CPLANE1: variants seen among roughly 807,000 people sequenced by gnomAD.
CPLANE1 encodes ciliogenesis and planar polarity effector complex subunit 1.
CPLANE1 carries 263 observed loss-of-function variants against 362.5 expected under a neutral mutation model. The observed-to-expected ratio is 0.73, with a 90% CI of 0.66 to 0.80. The LOEUF is 0.80. CPLANE1 is among the 30% of genes least tolerant of loss of function. The pLI is 0.00. For synonymous variants in CPLANE1, 1,212 were observed against 1,302.6 expected (o/e 0.93, Z 1.50); for missense variants, 3,461 against 3,793.4 (o/e 0.91, Z 2.30).
At chr5:37,190,608 TA>T (rs869118770) in intron 21 of CPLANE1, among the ~76,000 whole-genome samples, 1 of 152,046 alleles carries the variant, frequency 6.6e-6, no homozygotes, top group Non-Finnish European at 1.5e-5. Flanking sequence ...TAGATTTTTT[TA>T]AAAAAACTAT....
At chr5:37,157,990 G>C in intron 39 of CPLANE1, 122 bp from the exon 40 acceptor site, 1 of 751,500 alleles carries the variant, frequency 1.3e-6, no homozygotes, top group Non-Finnish European at 2.0e-6. Flanking sequence ...TAAAAACAAG[G>C]AAAGAAGGGC....
At chr5:37,096,470 A>G in the CPLANE1 span, among the ~76,000 whole-genome samples, 9 of 152,292 alleles carry the variant, frequency 5.9e-5, no homozygotes, top group African/African-American at 2.2e-4. Flanking sequence ...ATAACATTGG[A>G]AAACCCCTTC....
rs1043032870 is a variant in CPLANE1, at chr5:37,107,186, C to T, written c.*416G>A. The T allele has an allele frequency of 9.1e-6, 9 of 986,104 alleles. No individual in the cohort carries two copies. In the African/African-American group the frequency reaches 1.6e-4, roughly 17 times the overall value. 61.1% of individuals were successfully genotyped at this position (986,104 alleles called of 1,614,324 possible). ...TTCATAATTGAGTTCTCAGGTGAGACTGATTTTCTTCTCAATGAAAAGATT... is the reference window on the plus strand; with the variant it reads ...TTCATAATTGAGTTCTCAGGTGAGATTGATTTTCTTCTCAATGAAAAGATT... On this transcript the variant is annotated 3_prime_UTR_variant, in exon 53 of 53. Coordinates refer to ENST00000651892, the MANE Select transcript of CPLANE1 (RefSeq NM_001384732.1).
chr5:37,210,315 G>A (rs1792234510), intron 16 of CPLANE1: 1 of 1,453,830 alleles, frequency 6.9e-7, no homozygotes, highest in Non-Finnish European at 9.7e-7. Flanking sequence ...GAAGCTCCAG[G>A]AAGAAAAACA....
chr5:37,158,590 A>C (rs1230303619), intron 38 of CPLANE1, among the ~76,000 whole-genome samples: 1 of 152,226 alleles, frequency 6.6e-6, no homozygotes, highest in Non-Finnish European at 1.5e-5. Context: ...CAAGAACAAT[A>C]AAGTAACTAA....
intron 32 of CPLANE1, 35 bp from the exon 33 acceptor site, chr5:37,170,366 A>C: frequency 6.4e-7 from 1 of 1,565,792 alleles, no homozygotes; most frequent in Non-Finnish European, 8.7e-7. Context: ...GATATCTTAA[A>C]ATATAACAAA....
chr5:37,100,105 T>C, the CPLANE1 span, among the ~76,000 whole-genome samples: 1 of 152,218 alleles, frequency 6.6e-6, no homozygotes, highest in South Asian at 2.1e-4. Flanking sequence ...GCAGAAGCTA[T>C]TTAGTTCAAT....
chr5:37,205,091 A>G (rs1209994347), intron 18 of CPLANE1: 5 of 258,426 alleles, frequency 1.9e-5, no homozygotes, highest in Non-Finnish European at 3.5e-5. Flanking sequence ...CGGCAGGTAG[A>G]GTTTGCAGTG....
chr5:37,106,086 C>T (rs1757586766), downstream of CPLANE1: 1 of 152,128 alleles, frequency 6.6e-6, no homozygotes, highest in Non-Finnish European at 1.5e-5. Flanking sequence ...AATGCTCATA[C>T]ACCCTTGGTG....
intron 16 of CPLANE1, chr5:37,211,340 C>T: frequency 6.6e-7 from 1 of 1,510,184 alleles, no homozygotes; most frequent in Non-Finnish European, 8.9e-7. Context: ...ACATTAAAAA[C>T]TCTGCCAAAG....
chr5:37,179,241 T>A, intron 29 of CPLANE1, 120 bp downstream of exon 29: 2 of 674,894 alleles, frequency 3.0e-6, no homozygotes, highest in Non-Finnish European at 5.0e-6. Flanking sequence ...CAACCCATGG[T>A]GCATTTTTAA....
chr5:37,227,127 T>C, intron 11 of CPLANE1, 54 bp from the exon 12 acceptor site: 6 of 1,504,498 alleles, frequency 4.0e-6, no homozygotes, highest in African/African-American at 1.4e-5. Context: ...ACCTTATCAA[T>C]AGCATCACTT....
intron 46 of CPLANE1, among the ~76,000 whole-genome samples, chr5:37,136,413 T>G (rs1767723259): frequency 6.6e-6 from 1 of 152,222 alleles, no homozygotes; most frequent in South Asian, 2.1e-4. Flanking sequence ...CCCTGTGGCT[T>G]TGCAGGGTAC....
chr5:37,082,469 G>A, the CPLANE1 span, among the ~76,000 whole-genome samples: 9 of 152,128 alleles, frequency 5.9e-5, no homozygotes, highest in Non-Finnish European at 7.4e-5. Context: ...CAATGTGATA[G>A]TGACATAAAA....
intron 20 of CPLANE1, among the ~76,000 whole-genome samples, chr5:37,196,599 G>T (rs972944615): frequency 1.3e-5 from 2 of 152,128 alleles, no homozygotes; most frequent in Non-Finnish European, 2.9e-5. Flanking sequence ...GTGCGAGAGA[G>T]AAGTGCACAA....
chr5:37,153,888 G>A lies in CPLANE1; in HGVS notation c.8225C>T (p.Pro2742Leu). 1 of 1,614,096 alleles carries A rather than the reference G, an allele frequency of 6.2e-7. No homozygotes were observed. Among genetic ancestry groups the A allele is most frequent in the Non-Finnish European group, 8.5e-7 (1 of 1,180,026 alleles). ...KRLQGVSAAC[P>L]APSSAAHQLE... ...TTGGTGAGCTGCAGAGCTTGGTGCA[G>A]GGCAAGCTGCAGAGACACCTTGCAG... The change falls in exon 42 of 53, where the codon CCT becomes CTT. Residue 2742 changes from proline to leucine, a missense_variant. Pro to Leu is a moderately conservative substitution (Grantham distance 98). This residue lies in a region of CPLANE1 where 3,380 missense variants were observed against 3,666.1 expected (regional missense o/e 0.92). Coordinates refer to ENST00000651892, the MANE Select transcript of CPLANE1 (RefSeq NM_001384732.1).
At chr5:37,139,609 C>T (rs1363526747) in intron 44 of CPLANE1, 6 of 730,356 alleles carry the variant, frequency 8.2e-6, no homozygotes, top group Non-Finnish European at 5.3e-6. Flanking sequence ...CTAAGTGCAG[C>T]GACATGGTCA....
chr5:37,187,591 A>G lies in CPLANE1; in HGVS notation c.3922-19T>C. The G allele has an allele frequency of 6.3e-7, 1 of 1,594,736 alleles. No individual in the cohort carries two copies. Among genetic ancestry groups the G allele is most frequent in the Non-Finnish European group, 8.5e-7 (1 of 1,171,852 alleles). ...CAAGGTCCTAAAAGGATATTGAAAA[A>G]CATTCATTTCCTTTTTAGTTTAGAT... On this transcript the variant is annotated intron_variant, in intron 22 of 52. Coordinates refer to ENST00000651892, the MANE Select transcript of CPLANE1 (RefSeq NM_001384732.1).
chr5:37,212,025 G>A, intron 16 of CPLANE1: 1 of 977,112 alleles, frequency 1.0e-6, no homozygotes, highest in Admixed American at 1.7e-5. Context: ...GGAACAGCAA[G>A]TGAAAGAACG....
Sources: allele counts gnomAD v4.1 joint callset (sites outside exome capture counted in the v4.1 genomes callset), GRCh38; gene constraint gnomAD v4.1.1; regional missense constraint gnomAD v4.1.1; transcripts MANE v1.5; gene names NCBI Gene and HGNC (gene_info 2026-07-23, HGNC 2026-07-21).